Variants in PDZRN4 observed in about 807,000 individuals in gnomAD.
The protein encoded by PDZRN4 is PDZ domain containing ring finger 4.
In PDZRN4, 70 loss-of-function variants were observed where a neutral mutation model predicts 99.0. That is an observed-to-expected ratio of 0.71 (90% confidence interval 0.58 to 0.86). The LOEUF (loss-of-function observed/expected upper bound fraction) is 0.86, where lower values mean the gene tolerates loss of function less well. PDZRN4 is among the 40% of genes least tolerant of loss of function. PDZRN4 has a pLI of 0.00. For missense variants in PDZRN4, 1,474 were observed against 1,331.2 expected (o/e 1.11, Z -1.67); for synonymous variants, 551 against 501.6 (o/e 1.10, Z -1.32).
intron 3 of PDZRN4, among the ~76,000 whole-genome samples, chr12:41,346,335 G>A (rs1181097347): frequency 3.3e-5 from 5 of 151,918 alleles, no homozygotes; most frequent in Non-Finnish European, 5.9e-5. Context: ...GGTGGCGGGC[G>A]CCTGTAGTCT....
intron 3 of PDZRN4, among the ~76,000 whole-genome samples, chr12:41,307,611 T>G (rs1592005785): frequency 6.8e-4 from 1 of 1,460 alleles, no homozygotes; most frequent in Middle Eastern, 0.5. Context: ...GAGAGCCAGA[T>G]TTTTTTTTTT....
intron 3 of PDZRN4, among the ~76,000 whole-genome samples, chr12:41,329,842 T>C (rs2120990645): frequency 6.6e-6 from 1 of 152,180 alleles, no homozygotes; most frequent in Non-Finnish European, 1.5e-5. Flanking sequence ...GAGTAAACCA[T>C]CATTCAAGCC....
intron 3 of PDZRN4, among the ~76,000 whole-genome samples, chr12:41,499,278 T>C (rs1938069112): frequency 6.6e-6 from 1 of 151,940 alleles, no homozygotes; most frequent in Non-Finnish European, 1.5e-5. Context: ...AAAGAGCAGA[T>C]TGTGGATCTG....
intron 3 of PDZRN4, among the ~76,000 whole-genome samples, chr12:41,466,220 G>T (rs1229058270): frequency 1.3e-5 from 2 of 152,156 alleles, no homozygotes; most frequent in African/African-American, 2.4e-5. Flanking sequence ...ATGTGGGCCC[G>T]CCTATATTGC....
At chr12:41,540,448 A>G (rs1938829829) in intron 5 of PDZRN4, among the ~76,000 whole-genome samples, 1 of 152,130 alleles carries the variant, frequency 6.6e-6, no homozygotes, top group African/African-American at 2.4e-5. Flanking sequence ...TCTTTGATCT[A>G]CCTTCAGGAA....
At chr12:41,563,881 T>C (rs1939316525) in intron 8 of PDZRN4, among the ~76,000 whole-genome samples, 1 of 152,210 alleles carries the variant, frequency 6.6e-6, no homozygotes, top group African/African-American at 2.4e-5. Flanking sequence ...TTTCCTAATT[T>C]ATCAAAAGTA....
chr12:41,470,843 G>A (rs1952982398), intron 3 of PDZRN4, among the ~76,000 whole-genome samples: 1 of 152,122 alleles, frequency 6.6e-6, no homozygotes, highest in African/African-American at 2.4e-5. Context: ...AGGAGGTACA[G>A]TCCCTGGCTC....
intron 3 of PDZRN4, among the ~76,000 whole-genome samples, chr12:41,425,887 C>T (rs562676005): frequency 8.1e-4 from 123 of 152,238 alleles, no homozygotes; most frequent in African/African-American, 2.3e-3. Context: ...TCCATCCACT[C>T]TTCTAAAATA....
In PDZRN4 at chr12:41,206,755, G is replaced by T. The variant is rs191278534; in HGVS notation, c.843+12567G>T. 6.8e-4 allele frequency among the ~76,000 whole-genome samples: 104 copies of T among 151,896 alleles called. 1 individual carries two copies. The highest frequency in any genetic ancestry group is 2.4e-3 in the African/African-American group (100 of 41,500). ...ATATGTACTAAATGCATAAATAAAA[G>T]TTTCCTAAGTTTCTTTTAAATACAC... On this transcript the variant is annotated intron_variant, in intron 3 of 9. Transcript: ENST00000402685.
At chr12:41,437,315 AG>A (rs1291815036) in intron 3 of PDZRN4, among the ~76,000 whole-genome samples, 6 of 152,202 alleles carry the variant, frequency 3.9e-5, no homozygotes, top group South Asian at 2.1e-4. Flanking sequence ...ATTTTCCCCT[AG>A]GTTTAATAAT....
At chr12:41,535,744 T>C (rs1938737882) in intron 5 of PDZRN4, among the ~76,000 whole-genome samples, 1 of 152,152 alleles carries the variant, frequency 6.6e-6, no homozygotes, top group South Asian at 2.1e-4. Flanking sequence ...TTTGGTCCCT[T>C]TTTCTCTGTC....
intron 5 of PDZRN4, among the ~76,000 whole-genome samples, chr12:41,541,049 C>T (rs1456676562): frequency 1.3e-5 from 2 of 151,892 alleles, no homozygotes; most frequent in East Asian, 1.9e-4. Flanking sequence ...CTCAGCCTCC[C>T]GAGTAGCTGG....
At chr12:41,563,980 T>G (rs1939317960) in intron 8 of PDZRN4, among the ~76,000 whole-genome samples, 1 of 152,226 alleles carries the variant, frequency 6.6e-6, no homozygotes, top group Non-Finnish European at 1.5e-5. Flanking sequence ...AATTGAATTG[T>G]GATTCTCTCC....
chr12:41,559,536 T>G (rs550441757), intron 7 of PDZRN4, among the ~76,000 whole-genome samples: 1 of 152,250 alleles, frequency 6.6e-6, no homozygotes, highest in South Asian at 2.1e-4. Flanking sequence ...CTTTTCTCCT[T>G]GGGATGGTAA....
intron 3 of PDZRN4, among the ~76,000 whole-genome samples, chr12:41,309,223 T>G (rs1951590099): frequency 1.3e-5 from 2 of 152,200 alleles, no homozygotes; most frequent in Non-Finnish European, 2.9e-5. Flanking sequence ...CAGTCAGTTT[T>G]GTGTTTGCTA....
At chr12:41,566,762 T>C (rs1199562621) in intron 8 of PDZRN4, among the ~76,000 whole-genome samples, 1 of 152,216 alleles carries the variant, frequency 6.6e-6, no homozygotes, top group Non-Finnish European at 1.5e-5. Context: ...AGTTCATTGG[T>C]GGTGAAAATA....
At chr12:41,455,634 G>C (rs922941423) in intron 3 of PDZRN4, among the ~76,000 whole-genome samples, 2 of 152,080 alleles carry the variant, frequency 1.3e-5, no homozygotes, top group Admixed American at 1.3e-4. Flanking sequence ...CCCGATCTTA[G>C]GATTCTGTAC....
At position 41,405,355 on chromosome 12, in the gene PDZRN4, A is replaced by G. The variant is rs556881933; in HGVS notation, c.844-101101A>G. Among the ~76,000 whole-genome samples, 325 of 152,368 alleles carry G rather than the reference A, an allele frequency of 2.1e-3. 3 individuals are homozygous for G. The highest frequency in any genetic ancestry group is 6.5e-3 in the African/African-American group (270 of 41,596). On this transcript the variant is annotated intron_variant, in intron 3 of 9. Coordinates refer to ENST00000402685, the MANE Select transcript of PDZRN4 (RefSeq NM_001164595.2). Reference sequence around the variant, plus strand: ...ACAAACATATGAAAAAATGCTTGTCATCACTAATTATCAGAGAAATGCAAA... The same window carrying G: ...ACAAACATATGAAAAAATGCTTGTCGTCACTAATTATCAGAGAAATGCAAA...
At chr12:41,525,566 A>T (rs1262001611) in intron 5 of PDZRN4, among the ~76,000 whole-genome samples, 1 of 152,180 alleles carries the variant, frequency 6.6e-6, no homozygotes. Flanking sequence ...AAACCATATA[A>T]ATGATGGAAT....
Sources: allele counts gnomAD v4.1 joint callset (sites outside exome capture counted in the v4.1 genomes callset), GRCh38; gene constraint gnomAD v4.1.1; transcripts MANE v1.5; gene names NCBI Gene and HGNC (gene_info 2026-07-23, HGNC 2026-07-21).